GNA14: variants seen among roughly 807,000 people sequenced by gnomAD.
GNA14 encodes guanine nucleotide-binding protein subunit alpha-14.
Under a neutral mutation model 42.0 loss-of-function variants are expected in GNA14, and 50 were observed. The ratio of observed to expected loss-of-function variants is 1.19; its 90% CI spans 0.95 to 1.51. GNA14 has a LOEUF of 1.51. Ranked by LOEUF, GNA14 falls within the 40% of genes most tolerant of loss-of-function variation. GNA14 has a pLI of 0.00. For missense variants in GNA14, 473 were observed against 446.2 expected (o/e 1.06, Z -0.54); for synonymous variants, 173 against 163.1 (o/e 1.06, Z -0.46).
intron 1 of GNA14, among the ~76,000 whole-genome samples, chr9:77,579,372 T>C (rs1340783194): frequency 6.6e-6 from 1 of 152,038 alleles, no homozygotes; most frequent in Admixed American, 6.5e-5. Context: ...CCTCAAGTCC[T>C]GCCCTTCCCC....
intron 1 of GNA14, among the ~76,000 whole-genome samples, chr9:77,605,413 G>A (rs1823631345): frequency 6.6e-6 from 1 of 150,490 alleles, no homozygotes; most frequent in Non-Finnish European, 1.5e-5. Context: ...ATTGGCATTT[G>A]AGAAAATGAC....
chr9:77,569,440 C>T (rs1251067124), intron 1 of GNA14, among the ~76,000 whole-genome samples: 1 of 152,118 alleles, frequency 6.6e-6, no homozygotes, highest in Non-Finnish European at 1.5e-5. Flanking sequence ...CTGTCCTGCC[C>T]AACAAGTTTC....
intron 1 of GNA14, among the ~76,000 whole-genome samples, chr9:77,609,200 C>A (rs1271658050): frequency 6.6e-6 from 1 of 152,166 alleles, no homozygotes; most frequent in African/African-American, 2.4e-5. Context: ...TCACTGCCTG[C>A]ACTGGAACAC....
chr9:77,574,680 C>A (rs940933133), intron 1 of GNA14, among the ~76,000 whole-genome samples: 1 of 152,182 alleles, frequency 6.6e-6, no homozygotes, highest in Non-Finnish European at 1.5e-5. Context: ...CAGTAGCCAT[C>A]ACATCAGGCA....
At position 77,542,100 on chromosome 9, in the gene GNA14, C is replaced by T. The variant is rs562431822; in HGVS notation, c.125-12847G>A. ...CCTTTGGAGGTGTCCTATTACCTTG[C>T]TTTTTCCTGTTTCCTGTGTTTTTAC... On this transcript the variant is annotated intron_variant, in intron 1 of 6. Coordinates refer to ENST00000341700, the MANE Select transcript of GNA14 (RefSeq NM_004297.4). Among the ~76,000 whole-genome samples the T allele has an allele frequency of 3.9e-5, 6 of 152,218 alleles. No individual in the cohort carries two copies. The South Asian group carries it at 1.2e-3, about 32-fold the overall frequency.
At chr9:77,644,437 C>CCAAAAA (rs778013639) in intron 1 of GNA14, among the ~76,000 whole-genome samples, 13 of 34,022 alleles carry the variant, frequency 3.8e-4, no homozygotes, top group African/African-American at 8.2e-4. Context: ...TAAAGAGTGT[C>CCAAAAA]AAAAAAAAAA....
chr9:77,515,896 G>A (rs539449529), intron 2 of GNA14, among the ~76,000 whole-genome samples: 1 of 142,132 alleles, frequency 7.0e-6, no homozygotes, highest in South Asian at 2.3e-4. Context: ...GGAGGTCGAG[G>A]TTGCAGTGAG....
In GNA14 at chr9:77,490,132, T is replaced by C. The variant is rs529363692; in HGVS notation, c.309+38937A>G. Among the ~76,000 whole-genome samples the C allele has an allele frequency of 1.8e-4, 28 of 152,212 alleles. No homozygotes were observed. The East Asian group carries it at 4.6e-3, about 25-fold the overall frequency. On this transcript the variant is annotated intron_variant, in intron 2 of 6. Transcript: ENST00000341700. ...TAAACACAGGGTGCTGATTGGTGTA[T>C]TTACAATCCCTGAGCTAGACATAAA...
At chr9:77,636,415 A>G in intron 1 of GNA14, among the ~76,000 whole-genome samples, 1 of 152,248 alleles carries the variant, frequency 6.6e-6, no homozygotes, top group Admixed American at 6.5e-5. Flanking sequence ...ACTTGACAAC[A>G]GGAGTATTAC....
chr9:77,640,136 T>A (rs1167155107), intron 1 of GNA14, among the ~76,000 whole-genome samples: 1 of 152,188 alleles, frequency 6.6e-6, no homozygotes, highest in African/African-American at 2.4e-5. Flanking sequence ...GCTCTCAAGC[T>A]TGGAAGGGGA....
At chr9:77,477,587 T>C (rs1424579884) in intron 2 of GNA14, among the ~76,000 whole-genome samples, 3 of 152,130 alleles carry the variant, frequency 2.0e-5, no homozygotes, top group Admixed American at 6.6e-5. Flanking sequence ...CTTCCTATCC[T>C]CTTTTATAGT....
chr9:77,474,096 G>A (rs1343615428), intron 2 of GNA14, among the ~76,000 whole-genome samples: 1 of 152,056 alleles, frequency 6.6e-6, no homozygotes, highest in Non-Finnish European at 1.5e-5. Context: ...CTTTGGTTAG[G>A]CAGTGGATTA....
chr9:77,618,110 G>C lies in GNA14; in HGVS notation c.124+29560C>G, dbSNP rs140911534. 4.7e-3 allele frequency among the ~76,000 whole-genome samples: 711 copies of C among 152,098 alleles called. 5 individuals carry two copies. Among genetic ancestry groups the C allele is most frequent in the African/African-American group, 0.016 (658 of 41,522 alleles). Reference sequence around the variant, plus strand: ...TAGAATAGGACCTAGCCCACAGAAAGCTCTCAGATATTTGAAGGACTAATT... The same window carrying C: ...TAGAATAGGACCTAGCCCACAGAAACCTCTCAGATATTTGAAGGACTAATT... On this transcript the variant is annotated intron_variant, in intron 1 of 6. Transcript: ENST00000341700.
At chr9:77,544,257 C>A (rs778115311) in intron 1 of GNA14, among the ~76,000 whole-genome samples, 7 of 152,188 alleles carry the variant, frequency 4.6e-5, no homozygotes, top group Non-Finnish European at 8.8e-5. Flanking sequence ...GGACAAAATT[C>A]TGTTTTGGAA....
At chr9:77,501,261 TTAATA>T (rs1349505249) in intron 2 of GNA14, among the ~76,000 whole-genome samples, 1 of 152,118 alleles carries the variant, frequency 6.6e-6, no homozygotes, top group Non-Finnish European at 1.5e-5. Context: ...AGCTGCACTC[TTAATA>T]TAAGAAACTG....
intron 2 of GNA14, among the ~76,000 whole-genome samples, chr9:77,521,664 C>T (rs1837356805): frequency 6.6e-6 from 1 of 152,078 alleles, no homozygotes; most frequent in Non-Finnish European, 1.5e-5. Flanking sequence ...CCTATGATCC[C>T]GCCCCCAAAA....
chr9:77,489,586 G>A (rs1836723954), intron 2 of GNA14, among the ~76,000 whole-genome samples: 2 of 152,286 alleles, frequency 1.3e-5, no homozygotes, highest in South Asian at 4.1e-4. Context: ...CAGCTCTTAA[G>A]GTGGTGCACC....
At chr9:77,441,398 G>C (rs1469780976) in intron 2 of GNA14, among the ~76,000 whole-genome samples, 1 of 152,150 alleles carries the variant, frequency 6.6e-6, no homozygotes, top group African/African-American at 2.4e-5. Context: ...ACGGTTGTAA[G>C]TTTCCTGAGG....
At chr9:77,500,968 T>C (rs10747017) in intron 2 of GNA14, among the ~76,000 whole-genome samples, 45,962 of 151,836 alleles carry the variant, frequency 0.3, 7,185 homozygotes, top group East Asian at 0.49. Flanking sequence ...CTCTTTTTTT[T>C]TTTTTGAGAC....
Sources: gnomAD v4.1 joint callset for allele counts (sites outside exome capture counted in the v4.1 genomes callset) on GRCh38, gnomAD v4.1.1 for gene constraint, MANE v1.5 for transcripts, NCBI Gene and HGNC (gene_info 2026-07-23, HGNC 2026-07-21) for gene names.